Variants in ATP10B observed in about 807,000 individuals in gnomAD.
The protein encoded by ATP10B is ATPase phospholipid transporting 10B (putative), also known as phospholipid-transporting ATPase VB.
In ATP10B, 122 loss-of-function variants were observed where a neutral mutation model predicts 141.2. The ratio of observed to expected loss-of-function variants is 0.86; its 90% CI spans 0.75 to 1.00. The LOEUF (loss-of-function observed/expected upper bound fraction) is 1.00, where lower values mean the gene tolerates loss of function less well. ATP10B is among the 50% of genes least tolerant of loss of function. The pLI is 0.00. For missense variants in ATP10B, 1,876 were observed against 1,825.3 expected (o/e 1.03, Z -0.51); for synonymous variants, 685 against 692.0 (o/e 0.99, Z 0.16).
chr5:160,661,900 C>T (rs1303181961), intron 7 of ATP10B, among the ~76,000 whole-genome samples: 2 of 152,156 alleles, frequency 1.3e-5, no homozygotes, highest in African/African-American at 4.8e-5. Flanking sequence ...TAGAAAGCCC[C>T]ATCGTCTCAG....
At chr5:160,575,179 CTT>C (rs10605692) in intron 24 of ATP10B, among the ~76,000 whole-genome samples, 12,695 of 152,122 alleles carry the variant, frequency 0.083, 1,213 homozygotes, top group African/African-American at 0.24. Flanking sequence ...TTTTACCAAA[CTT>C]AACATTGCTA....
At chr5:160,836,055 C>T (rs961672911) in intron 1 of ATP10B, among the ~76,000 whole-genome samples, 1 of 151,818 alleles carries the variant, frequency 6.6e-6, no homozygotes, top group African/African-American at 2.4e-5. Context: ...AAAGTGTTCG[C>T]ATGGACATAG....
chr5:160,926,082 AC>A, the ATP10B span, among the ~76,000 whole-genome samples: 2 of 152,228 alleles, frequency 1.3e-5, no homozygotes, highest in African/African-American at 2.4e-5. Flanking sequence ...ATCACTTACC[AC>A]CTGGTGACCT....
At chr5:160,641,246 G>A (rs940832867) in intron 9 of ATP10B, among the ~76,000 whole-genome samples, 8 of 152,154 alleles carry the variant, frequency 5.3e-5, no homozygotes, top group African/African-American at 1.7e-4. Flanking sequence ...TTTTAGGCTG[G>A]GGAACTGTAT....
intron 2 of ATP10B, among the ~76,000 whole-genome samples, chr5:160,774,029 A>T (rs1448003514): frequency 3.3e-5 from 5 of 152,270 alleles, no homozygotes; most frequent in African/African-American, 1.2e-4. Flanking sequence ...GTTTATTCAT[A>T]TACAGACTCC....
At chr5:160,728,294 C>T (rs977026512) in intron 2 of ATP10B, among the ~76,000 whole-genome samples, 1 of 152,126 alleles carries the variant, frequency 6.6e-6, no homozygotes, top group African/African-American at 2.4e-5. Context: ...TAGCCACAGA[C>T]ATGTGTGTGG....
intron 1 of ATP10B, among the ~76,000 whole-genome samples, chr5:160,842,668 T>C (rs1647874122): frequency 1.3e-5 from 2 of 151,976 alleles, no homozygotes; most frequent in South Asian, 2.1e-4. Context: ...TTTGTATCAA[T>C]AAATTTAAAA....
At chr5:160,780,239 C>T (rs1770624068) in intron 2 of ATP10B, among the ~76,000 whole-genome samples, 1 of 152,076 alleles carries the variant, frequency 6.6e-6, no homozygotes. Flanking sequence ...AGGAGATAAG[C>T]CTAGAAGTAG....
chr5:160,900,624 T>C, the ATP10B span, among the ~76,000 whole-genome samples: 3 of 152,346 alleles, frequency 2.0e-5, no homozygotes, highest in East Asian at 5.8e-4. Flanking sequence ...GAAATGTATT[T>C]AATGTAGAAG....
In ATP10B at chr5:160,575,976, C is replaced by T. The variant is rs11953492; in HGVS notation, c.3751-6293G>A. Among the ~76,000 whole-genome samples the T allele has an allele frequency of 3.9e-3, 592 of 152,340 alleles. 2 individuals are homozygous for T. The highest frequency in any genetic ancestry group is 0.013 in the African/African-American group (537 of 41,582). On this transcript the variant is annotated intron_variant, in intron 24 of 25. Coordinates refer to ENST00000327245, the MANE Select transcript of ATP10B (RefSeq NM_025153.3). ...TTCTCCAGTAGTCCTTTCTACATTA[C>T]GGCAAGAAATTGCCAGTTGCTCCAG... is the stretch of plus-strand genomic sequence containing the variant.
rs75100813 is a variant in ATP10B, at chr5:160,657,251, T to C, written c.676-7995A>G. On this transcript the variant is annotated intron_variant, in intron 7 of 25. Transcript: ENST00000327245. ...ACGCCCCAGCTGCTGAGCTAGGTGA[T>C]TGAGGTTTTCTTCCTGGTATACAAA... is the stretch of plus-strand genomic sequence containing the variant. 4.0e-4 allele frequency among the ~76,000 whole-genome samples: 61 copies of C among 152,330 alleles called. 1 individual carries two copies. In the East Asian group the frequency reaches 0.01, roughly 26 times the overall value.
intron 7 of ATP10B, among the ~76,000 whole-genome samples, chr5:160,661,829 A>G (rs866096291): frequency 6.6e-6 from 1 of 152,206 alleles, no homozygotes; most frequent in African/African-American, 2.4e-5. Context: ...AATAAAGGGC[A>G]TACAATTAGG....
chr5:160,798,945 T>C, intron 1 of ATP10B, among the ~76,000 whole-genome samples: 1 of 151,726 alleles, frequency 6.6e-6, no homozygotes, highest in East Asian at 1.9e-4. Context: ...CGAGATGGGG[T>C]TTCACCATGT....
At chr5:160,860,077 G>A in the ATP10B span, among the ~76,000 whole-genome samples, 323 of 151,912 alleles carry the variant, frequency 2.1e-3, no homozygotes, top group African/African-American at 7.4e-3. Context: ...CCTTTGTGAA[G>A]ATAATCTCTT....
intron 6 of ATP10B, among the ~76,000 whole-genome samples, chr5:160,674,854 T>A (rs1034990005): frequency 6.6e-6 from 1 of 152,118 alleles, no homozygotes; most frequent in African/African-American, 2.4e-5. Context: ...CTAAACTTAG[T>A]TATGTTATGG....
chr5:160,588,425 C>A (rs1318970587), intron 24 of ATP10B, among the ~76,000 whole-genome samples: 1 of 152,134 alleles, frequency 6.6e-6, no homozygotes, highest in Non-Finnish European at 1.5e-5. Context: ...AGTTCCATTG[C>A]AGAATGTAGG....
chr5:160,625,230 A>G (rs946712931), intron 13 of ATP10B, among the ~76,000 whole-genome samples: 5 of 152,214 alleles, frequency 3.3e-5, no homozygotes, highest in Admixed American at 6.5e-5. Flanking sequence ...CTTAACACCT[A>G]TATCAGGCAA....
chr5:160,812,437 C>G (rs1270732126), intron 1 of ATP10B, among the ~76,000 whole-genome samples: 4 of 152,110 alleles, frequency 2.6e-5, no homozygotes, highest in African/African-American at 4.8e-5. Context: ...CCTGGAGAAA[C>G]AGAGATAGGT....
chr5:160,654,541 T>C lies in ATP10B; in HGVS notation c.676-5285A>G, dbSNP rs182601989. 4.6e-5 allele frequency among the ~76,000 whole-genome samples: 7 copies of C among 152,308 alleles called. No individual in the cohort carries two copies. In the East Asian group the frequency reaches 1.2e-3, roughly 25 times the overall value. On this transcript the variant is annotated intron_variant, in intron 7 of 25. Transcript: ENST00000327245. The stretch of plus-strand genomic sequence containing the variant: ...GCTCTTTAGGTCAGACCTACCTATC[T>C]GGAGCACTTACTATGTGCCAGACAC...
Sources: gnomAD v4.1 joint callset for allele counts (sites outside exome capture counted in the v4.1 genomes callset) on GRCh38, gnomAD v4.1.1 for gene constraint, MANE v1.5 for transcripts, NCBI Gene and HGNC (gene_info 2026-07-23, HGNC 2026-07-21) for gene names.